The following TBC1D16 variants were observed in gnomAD, a reference collection of about 807,000 sequenced individuals.
The protein encoded by TBC1D16 is CTD-2529O21.1.
TBC1D16 carries 58 observed loss-of-function variants against 74.7 expected under a neutral mutation model. The observed-to-expected ratio is 0.78, with a 90% confidence interval of 0.63 to 0.97. The LOEUF is 0.97. TBC1D16 is among the 50% of genes least tolerant of loss of function. TBC1D16 has a pLI of 0.00. For missense variants in TBC1D16, 1,014 were observed against 1,079.5 expected (o/e 0.94, Z 0.85); for synonymous variants, 493 against 474.7 (o/e 1.04, Z -0.50).
chr17:79,997,984 G>A (rs528073801), intron 3 of TBC1D16, among the ~76,000 whole-genome samples: 8 of 152,130 alleles, frequency 5.3e-5, no homozygotes, highest in Non-Finnish European at 8.8e-5. Context: ...AATTAGCTGG[G>A]TGTGGTGGCG....
intron 1 of TBC1D16, among the ~76,000 whole-genome samples, chr17:80,016,138 T>C (rs1416995491): frequency 2.0e-5 from 3 of 151,810 alleles, no homozygotes; most frequent in Non-Finnish European, 4.4e-5. Flanking sequence ...CCCGAAAACA[T>C]TGCGCTAAGT....
chr17:79,960,811 G>GAAAAAAAAAAAAAA (rs2033578708), intron 3 of TBC1D16, among the ~76,000 whole-genome samples: 4 of 40,328 alleles, frequency 9.9e-5, no homozygotes, highest in African/African-American at 2.9e-4. Context: ...AAAAAAAAAC[G>GAAAAAAAAAAAAAA]AAGGAATGAA....
rs959706781 is a variant in TBC1D16, at chr17:79,932,848, G to A, written c.*8011C>T. The A allele has an allele frequency of 6.6e-6, 1 of 152,200 alleles. No homozygotes were observed. The highest frequency in any genetic ancestry group is 1.5e-5 in the Non-Finnish European group (1 of 68,052). 9.4% of individuals were successfully genotyped at this position (152,200 alleles called of 1,614,324 possible). On this transcript the variant is annotated 3_prime_UTR_variant, in exon 12 of 12. Coordinates refer to ENST00000310924, the MANE Select transcript of TBC1D16 (RefSeq NM_019020.4). ...TGCACCATCCTAATTTCAACATCCAGATGTCAATTCAGAAAATTATTATAT... is the reference window on the plus strand; with the variant it reads ...TGCACCATCCTAATTTCAACATCCAAATGTCAATTCAGAAAATTATTATAT...
rs371356239 is a variant in TBC1D16, at chr17:79,988,407, A to C, written c.779+21753T>G. Among the ~76,000 whole-genome samples, 27 of 152,392 alleles carry C rather than the reference A, an allele frequency of 1.8e-4. No individual in the cohort carries two copies. The East Asian group carries it at 3.5e-3, about 20-fold the overall frequency. On this transcript the variant is annotated intron_variant, in intron 3 of 11. Coordinates refer to ENST00000310924, the MANE Select transcript of TBC1D16 (RefSeq NM_019020.4). The surrounding 1 kb of genome is among the most constrained non-coding windows in gnomAD (Gnocchi z 5.7). ...GAAACATTTTCCTTTTGTCGACTGT[A>C]GAGAGCTATGAGTCAGGTCCAAGCT...
intron 3 of TBC1D16, 42 bp from the exon 4 acceptor site, chr17:79,952,860 G>A: frequency 1.3e-6 from 2 of 1,572,814 alleles, no homozygotes; most frequent in Non-Finnish European, 8.6e-7. Context: ...ACTTCTCCCT[G>A]CCCACACTAC....
intron 1 of TBC1D16, among the ~76,000 whole-genome samples, chr17:80,022,558 C>T (rs1339059679): frequency 1.3e-5 from 2 of 149,432 alleles, no homozygotes; most frequent in African/African-American, 5.1e-5. Flanking sequence ...AGGCTGGTCT[C>T]GAACTCCTGC....
intron 1 of TBC1D16, among the ~76,000 whole-genome samples, chr17:80,023,445 G>A (rs1442769122): frequency 2.7e-5 from 4 of 149,982 alleles, no homozygotes; most frequent in Non-Finnish European, 1.5e-5. Context: ...TGAGCCCAGG[G>A]CAAGCTCGTC....
intron 3 of TBC1D16, among the ~76,000 whole-genome samples, chr17:79,984,044 A>AT (rs531722155): frequency 2.1e-3 from 83 of 40,226 alleles, no homozygotes; most frequent in Admixed American, 4.0e-3. Context: ...TTTATTTTGT[A>AT]TTTTTTACAG....
At chr17:80,015,946 G>C (rs1420292434) in intron 1 of TBC1D16, among the ~76,000 whole-genome samples, 1 of 149,916 alleles carries the variant, frequency 6.7e-6, no homozygotes, top group Non-Finnish European at 1.5e-5. Context: ...AGGAGGTGGA[G>C]GTTTCAGTGA....
intron 3 of TBC1D16, among the ~76,000 whole-genome samples, chr17:79,978,137 G>C (rs1365399944): frequency 6.6e-6 from 1 of 152,212 alleles, no homozygotes; most frequent in African/African-American, 2.4e-5. Flanking sequence ...CGCATGCACC[G>C]AGACAGCCTG....
At chr17:80,028,866 C>T (rs2036679059) in intron 1 of TBC1D16, among the ~76,000 whole-genome samples, 1 of 152,110 alleles carries the variant, frequency 6.6e-6, no homozygotes, top group Admixed American at 6.6e-5. Context: ...CCTACCTCGA[C>T]CTCCCAAAGC....
intron 3 of TBC1D16, among the ~76,000 whole-genome samples, chr17:79,969,821 A>T (rs1296712394): frequency 1.3e-5 from 2 of 152,120 alleles, no homozygotes; most frequent in Non-Finnish European, 2.9e-5. Context: ...GCATGCCTGT[A>T]ATCCCAGCTA....
chr17:80,013,551 CG>C lies in TBC1D16; in HGVS notation c.-5del, dbSNP rs1568637667. The C allele has an allele frequency of 4.7e-6, 7 of 1,494,856 alleles. No individual in the cohort carries two copies. In the South Asian group the frequency reaches 9.4e-5, roughly 20 times the overall value. 92.6% of individuals were successfully genotyped at this position (1,494,856 alleles called of 1,614,324 possible). Reference sequence around the variant, plus strand: ...GAAGGAGGCGGCCCAGAGACATTGCCGGGCAAGTGTTTCCATCCTCCGCATG... The same window carrying C: ...GAAGGAGGCGGCCCAGAGACATTGCCGGCAAGTGTTTCCATCCTCCGCATG... On this transcript the variant is annotated 5_prime_UTR_variant, in exon 2 of 12. Transcript: ENST00000310924.
chr17:79,942,475 GGCT>G (rs977396454), intron 10 of TBC1D16, among the ~76,000 whole-genome samples: 1 of 151,376 alleles, frequency 6.6e-6, no homozygotes, highest in East Asian at 2.0e-4. Flanking sequence ...AGCCCCCACG[GGCT>G]GCTGCTGCTC....
intron 3 of TBC1D16, among the ~76,000 whole-genome samples, chr17:79,982,366 G>C (rs1196846371): frequency 2.6e-5 from 4 of 151,246 alleles, no homozygotes; most frequent in South Asian, 2.1e-4. Flanking sequence ...GGCTGGTCTT[G>C]AACTCCTGAC....
rs1347358971 is a variant in TBC1D16 at position 80,000,430 on chromosome 17, CA to C, written c.779+9729del. Among the ~76,000 whole-genome samples, 1 of 152,190 alleles carries C rather than the reference CA, an allele frequency of 6.6e-6. No homozygotes were observed. Among genetic ancestry groups the C allele is most frequent in the Non-Finnish European group, 1.5e-5 (1 of 68,032 alleles). On this transcript the variant is annotated intron_variant, in intron 3 of 11. Coordinates refer to ENST00000310924, the MANE Select transcript of TBC1D16 (RefSeq NM_019020.4). The surrounding 1 kb of genome is among the most constrained non-coding windows in gnomAD (Gnocchi z 4.1). The stretch of plus-strand genomic sequence containing the variant: ...GGCAGGGGTCGGAATGATGTGGCCA[CA>C]AGCCAAGGAATGCCTGCAGCCACTC...
chr17:80,003,117 A>G (rs554030949), intron 3 of TBC1D16, among the ~76,000 whole-genome samples: 1 of 152,288 alleles, frequency 6.6e-6, no homozygotes, highest in South Asian at 2.1e-4. Flanking sequence ...AAAGGGCAAG[A>G]GGAAAGTGGG....
chr17:80,034,200 C>CT (rs35010521), intron 1 of TBC1D16, among the ~76,000 whole-genome samples: 2,990 of 120,790 alleles, frequency 0.025, 80 homozygotes, highest in African/African-American at 0.052. Context: ...TTTTTTTTTC[C>CT]TTTTTTTTTT....
At chr17:80,019,772 T>A (rs1410592505) in intron 1 of TBC1D16, among the ~76,000 whole-genome samples, 1 of 149,802 alleles carries the variant, frequency 6.7e-6, no homozygotes, top group Non-Finnish European at 1.5e-5. Context: ...TACTATATTT[T>A]GTGCCCTATA....
Sources: gnomAD v4.1 joint callset for allele counts (sites outside exome capture counted in the v4.1 genomes callset) on GRCh38, gnomAD v4.1.1 for gene constraint, Gnocchi (gnomAD v3.1) non-coding constraint, MANE v1.5 for transcripts, NCBI Gene and HGNC (gene_info 2026-07-23, HGNC 2026-07-21) for gene names.